The following USP12 variants were observed in gnomAD, a reference collection of about 807,000 sequenced individuals.
USP12 encodes the protein ubiquitin specific peptidase 12.
In USP12, 19 loss-of-function variants were observed where a neutral mutation model predicts 45.5. The observed-to-expected ratio is 0.42, with a 90% CI of 0.29 to 0.61. The LOEUF is 0.61. Ranked by LOEUF, USP12 falls within the 20% of genes least tolerant of loss-of-function variation. USP12 has a pLI of 0.22. For synonymous variants in USP12, 149 were observed against 148.8 expected (o/e 1.00, Z -0.01); for missense variants, 242 against 447.7 (o/e 0.54, Z 4.15).
At chr13:27,146,097 A>C (rs1302816972) in intron 1 of USP12, among the ~76,000 whole-genome samples, 1 of 152,194 alleles carries the variant, frequency 6.6e-6, no homozygotes, top group Non-Finnish European at 1.5e-5. Flanking sequence ...ATCAAACAGT[A>C]AAATTTCTTT....
At chr13:27,140,180 A>C (rs1876993876) in intron 1 of USP12, among the ~76,000 whole-genome samples, 2 of 152,234 alleles carry the variant, frequency 1.3e-5, no homozygotes, top group African/African-American at 4.8e-5. Context: ...ATAAACAAAA[A>C]GACATAAAAC....
intron 1 of USP12, among the ~76,000 whole-genome samples, chr13:27,171,290 G>A (rs1334638264): frequency 6.7e-6 from 1 of 149,802 alleles, no homozygotes; most frequent in African/African-American, 2.4e-5. Context: ...GTTCAGCCGG[G>A]GACTCCCGGA....
At chr13:27,091,007 C>T (rs1442726925) in intron 4 of USP12, among the ~76,000 whole-genome samples, 2 of 152,032 alleles carry the variant, frequency 1.3e-5, no homozygotes, top group Non-Finnish European at 2.9e-5. Flanking sequence ...TTTGACTTTC[C>T]CTGACTTCAA....
intron 1 of USP12, among the ~76,000 whole-genome samples, chr13:27,169,531 CA>C (rs1171609035): frequency 6.6e-6 from 1 of 152,126 alleles, no homozygotes; most frequent in Non-Finnish European, 1.5e-5. Flanking sequence ...CAGACACACC[CA>C]ATTTTAATAG....
intron 1 of USP12, among the ~76,000 whole-genome samples, chr13:27,117,113 A>G (rs1272476257): frequency 6.6e-6 from 1 of 152,246 alleles, no homozygotes; most frequent in Non-Finnish European, 1.5e-5. Context: ...AGGAGAAAAG[A>G]AAGAATGATA....
chr13:27,170,138 T>C (rs2137854205), intron 1 of USP12: 1 of 395,166 alleles, frequency 2.5e-6, no homozygotes, highest in East Asian at 3.6e-5. Flanking sequence ...AATGCTTTCC[T>C]AAAATGTAAA....
chr13:27,164,225 G>T (rs975834757), intron 1 of USP12, among the ~76,000 whole-genome samples: 2 of 152,158 alleles, frequency 1.3e-5, no homozygotes, highest in African/African-American at 4.8e-5. Flanking sequence ...TTTACAAGTA[G>T]AGAATGTGTG....
intron 6 of USP12, among the ~76,000 whole-genome samples, chr13:27,080,231 G>A (rs1873686259): frequency 6.6e-6 from 1 of 152,146 alleles, no homozygotes; most frequent in African/African-American, 2.4e-5. Flanking sequence ...CTTGCATGGG[G>A]GTGTGTGTGC....
intron 3 of USP12, among the ~76,000 whole-genome samples, chr13:27,105,272 CTGGCAAGCCT>C (rs1244220750): frequency 1.3e-5 from 2 of 152,214 alleles, no homozygotes; most frequent in Non-Finnish European, 2.9e-5. Flanking sequence ...AGTGTGGCTC[CTGGCAAGCCT>C]TTTTTAGGTT....
Position 27,106,187 on chromosome 13 carries a change from T to TA in USP12, c.130-244dup, listed in dbSNP as rs151279680. On this transcript the variant is annotated intron_variant, in intron 2 of 8. Coordinates refer to ENST00000282344, the MANE Select transcript of USP12 (RefSeq NM_182488.4). ...AATTAAAACACACAAAAACAAAAAA[T>TA]AAAAAAAACAAGATCCCCTGAAACG... Among the ~76,000 whole-genome samples the TA allele has an allele frequency of 1.3e-4, 20 of 151,370 alleles. No homozygotes were observed. In the South Asian group the frequency reaches 2.3e-3, roughly 17 times the overall value.
At chr13:27,105,081 T>C (rs1156820447) in intron 3 of USP12, among the ~76,000 whole-genome samples, 2 of 152,222 alleles carry the variant, frequency 1.3e-5, no homozygotes, top group East Asian at 3.8e-4. Context: ...TTAACCTCTC[T>C]GAGCCTCAGT....
At chr13:27,086,183 AAAAAAAAAAAAAAAATATAT>A (rs1280304416) in intron 6 of USP12, among the ~76,000 whole-genome samples, 6 of 39,326 alleles carry the variant, frequency 1.5e-4, no homozygotes, top group South Asian at 1.8e-3. Flanking sequence ...TTAAAAAAAA[AAAAAAAAAAAAAAAATATAT>A]ATATATATAT....
intron 2 of USP12, among the ~76,000 whole-genome samples, chr13:27,108,156 GGA>G (rs1182896859): frequency 6.6e-6 from 1 of 151,594 alleles, no homozygotes; most frequent in Non-Finnish European, 1.5e-5. Flanking sequence ...ATGATAGACT[GGA>G]TTAAGAAAAT....
intron 1 of USP12, among the ~76,000 whole-genome samples, chr13:27,135,176 A>G (rs1876745639): frequency 6.6e-6 from 1 of 152,070 alleles, no homozygotes; most frequent in Admixed American, 6.6e-5. Context: ...AGTCCCAGCT[A>G]CTCAGGAAGC....
At chr13:27,087,109 G>GTGTC (rs1874083513) in intron 6 of USP12, among the ~76,000 whole-genome samples, 1 of 151,964 alleles carries the variant, frequency 6.6e-6, no homozygotes, top group African/African-American at 2.4e-5. Context: ...CTGTGTGTGT[G>GTGTC]TGTGTGTGTG....
At chr13:27,116,114 C>A (rs1875721583) in intron 2 of USP12, among the ~76,000 whole-genome samples, 4 of 151,956 alleles carry the variant, frequency 2.6e-5, no homozygotes, top group African/African-American at 9.7e-5. Context: ...AGATCGAGAC[C>A]ATCCTGGCTA....
chr13:27,125,326 T>A (rs1303522661), intron 1 of USP12, among the ~76,000 whole-genome samples: 2 of 152,092 alleles, frequency 1.3e-5, no homozygotes, highest in African/African-American at 4.8e-5. Flanking sequence ...TACATATAAA[T>A]AAAAATCCAT....
chr13:27,071,370 T>C (rs760519108), intron 7 of USP12, among the ~76,000 whole-genome samples: 4 of 152,202 alleles, frequency 2.6e-5, no homozygotes, highest in Non-Finnish European at 5.9e-5. Flanking sequence ...CTAAGAGATA[T>C]ATCAGTATTC....
chr13:27,155,172 CCAAGGTTCA>C (rs1877770237), intron 1 of USP12, among the ~76,000 whole-genome samples: 1 of 140,982 alleles, frequency 7.1e-6, no homozygotes, highest in African/African-American at 2.6e-5. Flanking sequence ...ACCTCCGCCT[CCAAGGTTCA>C]AGCAATTCTC....
Sources: gnomAD v4.1 joint callset for allele counts (sites outside exome capture counted in the v4.1 genomes callset) on GRCh38, gnomAD v4.1.1 for gene constraint, MANE v1.5 for transcripts, NCBI Gene and HGNC (gene_info 2026-07-23, HGNC 2026-07-21) for gene names.